PTPRD: variants seen among roughly 807,000 people sequenced by gnomAD.
The protein encoded by PTPRD is receptor-type tyrosine-protein phosphatase delta.
Under a neutral mutation model 214.5 loss-of-function variants are expected in PTPRD, and 34 were observed. That is an observed-to-expected ratio of 0.16 (90% confidence interval 0.12 to 0.21). The LOEUF is 0.21. Among genes scored for constraint, PTPRD ranks in the 10% least tolerant of loss-of-function variants. PTPRD has a pLI of 1.00. For synonymous variants in PTPRD, 1,128 were observed against 845.7 expected (o/e 1.33, Z -5.79); for missense variants, 2,545 against 2,398.7 (o/e 1.06, Z -1.27).
intron 10 of PTPRD, among the ~76,000 whole-genome samples, chr9:9,033,399 G>A (rs77948482): frequency 2.0e-5 from 3 of 152,132 alleles, no homozygotes; most frequent in East Asian, 3.9e-4. Context: ...CCCTATTTCC[G>A]CTGCTCCACT....
chr9:9,939,207 T>G (rs1479929666), intron 4 of PTPRD, among the ~76,000 whole-genome samples: 1 of 152,110 alleles, frequency 6.6e-6, no homozygotes, highest in Non-Finnish European at 1.5e-5. Flanking sequence ...TGATAAAAAT[T>G]ATAGGCTTGA....
rs548535510 is a variant in PTPRD at position 9,571,694 on chromosome 9, A to C, written c.-237+3038T>G. On this transcript the variant is annotated intron_variant, in intron 8 of 45. Coordinates refer to ENST00000381196, the MANE Select transcript of PTPRD (RefSeq NM_002839.4). ...TGGCCACATAACTAATTGTTGCATG[A>C]AACTTATAATGGGCAATTCATAAAT... Among the ~76,000 whole-genome samples, 11 of 151,174 alleles carry C rather than the reference A, an allele frequency of 7.3e-5. No homozygotes were observed. In the South Asian group the frequency reaches 2.3e-3, roughly 31 times the overall value.
intron 9 of PTPRD, among the ~76,000 whole-genome samples, chr9:9,348,612 C>T (rs186315258): frequency 3.8e-4 from 58 of 152,116 alleles, no homozygotes; most frequent in African/African-American, 1.1e-3. Context: ...TGTAATGGGA[C>T]GTTGGGGACA....
At chr9:8,957,531 C>T (rs2099137608) in intron 11 of PTPRD, among the ~76,000 whole-genome samples, 1 of 151,850 alleles carries the variant, frequency 6.6e-6, no homozygotes, top group African/African-American at 2.4e-5. Flanking sequence ...CAAGCACCCT[C>T]TCATCAAATC....
chr9:9,414,201 T>G (rs2076334732), intron 8 of PTPRD, among the ~76,000 whole-genome samples: 1 of 152,222 alleles, frequency 6.6e-6, no homozygotes, highest in South Asian at 2.1e-4. Flanking sequence ...TCTTTTCCCT[T>G]AAAGTTTTGA....
chr9:9,828,943 A>T (rs1197099734), intron 5 of PTPRD, among the ~76,000 whole-genome samples: 1 of 151,956 alleles, frequency 6.6e-6, no homozygotes, highest in Non-Finnish European at 1.5e-5. Flanking sequence ...GACTTACATA[A>T]ATTTAAAATT....
intron 7 of PTPRD, among the ~76,000 whole-genome samples, chr9:9,647,808 T>C (rs2096234614): frequency 6.6e-6 from 1 of 152,186 alleles, no homozygotes; most frequent in African/African-American, 2.4e-5. Context: ...TTTTAAATCC[T>C]GTCTCTCCCA....
intron 34 of PTPRD, among the ~76,000 whole-genome samples, chr9:8,443,425 T>C (rs2095615419): frequency 6.6e-6 from 1 of 152,230 alleles, no homozygotes; most frequent in Admixed American, 6.5e-5. Context: ...TTTTAAAGCT[T>C]ATTCAGTTGC....
chr9:10,495,006 C>T (rs1020598234), intron 2 of PTPRD, among the ~76,000 whole-genome samples: 2 of 151,616 alleles, frequency 1.3e-5, no homozygotes, highest in African/African-American at 2.4e-5. Context: ...AATTTTATGT[C>T]GTGCTCAAGG....
chr9:9,224,923 C>A (rs1030048471), intron 9 of PTPRD, among the ~76,000 whole-genome samples: 1 of 151,954 alleles, frequency 6.6e-6, no homozygotes, highest in African/African-American at 2.4e-5. Flanking sequence ...TGCTCAAAGA[C>A]CTTTTCCCCA....
intron 5 of PTPRD, among the ~76,000 whole-genome samples, chr9:9,827,295 G>T (rs1461603424): frequency 6.6e-6 from 1 of 152,074 alleles, no homozygotes; most frequent in East Asian, 1.9e-4. Flanking sequence ...CATGGTACTG[G>T]TACCAAAACA....
intron 35 of PTPRD, among the ~76,000 whole-genome samples, chr9:8,433,731 C>A (rs1345439443): frequency 2.0e-4 from 30 of 152,052 alleles, no homozygotes; most frequent in Admixed American, 2.0e-3. Context: ...TAAGTGATAT[C>A]AAAAGAGAGT....
At chr9:9,715,019 A>G (rs1171616420) in intron 7 of PTPRD, among the ~76,000 whole-genome samples, 1 of 152,168 alleles carries the variant, frequency 6.6e-6, no homozygotes. Context: ...AGTACCAGCA[A>G]TAATTCATTT....
intron 9 of PTPRD, among the ~76,000 whole-genome samples, chr9:9,302,371 T>C (rs965174583): frequency 1.3e-5 from 2 of 151,896 alleles, no homozygotes; most frequent in African/African-American, 4.8e-5. Context: ...GATAGGCAGC[T>C]CTCTTTGATA....
At chr9:9,416,489 G>A (rs540123078) in intron 8 of PTPRD, among the ~76,000 whole-genome samples, 56 of 152,252 alleles carry the variant, frequency 3.7e-4, no homozygotes, top group South Asian at 6.2e-4. Context: ...TGAACAGAGC[G>A]TGCTCGGTGA....
At chr9:9,149,577 T>C (rs1592456312) in intron 10 of PTPRD, among the ~76,000 whole-genome samples, 1 of 152,304 alleles carries the variant, frequency 6.6e-6, no homozygotes, top group South Asian at 2.1e-4. Flanking sequence ...CAGCAACATG[T>C]TCATGAAAGA....
chr9:9,908,712 T>C (rs1483251321), intron 5 of PTPRD, among the ~76,000 whole-genome samples: 1 of 152,046 alleles, frequency 6.6e-6, no homozygotes, highest in Non-Finnish European at 1.5e-5. Context: ...ATTTTTTCTG[T>C]GCTGGTTGCT....
At chr9:9,165,065 A>C (rs1352912875) in intron 10 of PTPRD, among the ~76,000 whole-genome samples, 1 of 151,800 alleles carries the variant, frequency 6.6e-6, no homozygotes, top group East Asian at 1.9e-4. Context: ...AAAAAAAAAA[A>C]AAAATTCCAA....
intron 8 of PTPRD, among the ~76,000 whole-genome samples, chr9:9,537,037 G>C (rs1465144189): frequency 6.6e-6 from 1 of 151,824 alleles, no homozygotes; most frequent in African/African-American, 2.4e-5. Flanking sequence ...TCATGTTGCT[G>C]AAAGTCCTTC....
Sources: allele counts gnomAD v4.1 joint callset (sites outside exome capture counted in the v4.1 genomes callset), GRCh38; gene constraint gnomAD v4.1.1; transcripts MANE v1.5; gene names NCBI Gene and HGNC (gene_info 2026-07-23, HGNC 2026-07-21).